PARL: variants seen among roughly 807,000 people sequenced by gnomAD.
PARL encodes the protein presenilin-associated rhomboid-like protein, mitochondrial.
Under a neutral mutation model 51.6 loss-of-function variants are expected in PARL, and 44 were observed. The ratio of observed to expected loss-of-function variants is 0.85; its 90% CI spans 0.67 to 1.10. PARL has a LOEUF of 1.10. PARL is among the 50% of genes least tolerant of loss of function. The pLI, the probability that PARL is intolerant of heterozygous loss-of-function variation, is 0.00. For synonymous variants in PARL, 172 were observed against 164.0 expected (o/e 1.05, Z -0.37); for missense variants, 441 against 469.5 (o/e 0.94, Z 0.56).
chr3:183,836,306 A>T (rs1264221859), intron 7 of PARL, among the ~76,000 whole-genome samples: 1 of 151,888 alleles, frequency 6.6e-6, no homozygotes, highest in African/African-American at 2.4e-5. Flanking sequence ...TCTGTTAAAA[A>T]AAATTGTCGT....
At chr3:183,861,200 T>C (rs1259005924) in intron 4 of PARL, 1 of 854,162 alleles carries the variant, frequency 1.2e-6, no homozygotes, top group Non-Finnish European at 1.4e-6. Flanking sequence ...ATCTTTGAAG[T>C]AATCATTTTA....
intron 4 of PARL, among the ~76,000 whole-genome samples, chr3:183,855,496 T>C (rs900744766): frequency 6.6e-6 from 1 of 152,164 alleles, no homozygotes; most frequent in Non-Finnish European, 1.5e-5. Flanking sequence ...AGGACCGGTT[T>C]TGTGTTAGAC....
In PARL at chr3:183,862,658, G is replaced by A. The variant is rs1295490531; in HGVS notation, c.511+95C>T. ...AGAGACTGTCTTCTAAACCACTGGT[G>A]AGCATGGTACAAGAGCCATTGCTTG... On this transcript the variant is annotated intron_variant, in intron 4 of 9. Transcript: ENST00000317096. 3.3e-6 allele frequency: 3 copies of A among 912,994 alleles called. No homozygotes were observed. In the South Asian group the frequency reaches 4.0e-5, roughly 12 times the overall value. The allele number at this position is 912,994 out of a possible 1,614,324, so 56.6% of individuals were successfully genotyped here.
intron 1 of PARL, among the ~76,000 whole-genome samples, chr3:183,880,910 G>T (rs1403863075): frequency 6.6e-6 from 1 of 151,942 alleles, no homozygotes; most frequent in Non-Finnish European, 1.5e-5. Context: ...TCACCTTCCG[G>T]CCTCAAGCAA....
intron 1 of PARL, among the ~76,000 whole-genome samples, chr3:183,881,355 C>G (rs1195832290): frequency 6.6e-6 from 1 of 152,142 alleles, no homozygotes; most frequent in East Asian, 1.9e-4. Context: ...CTCCTGACCT[C>G]AGGTGATCCA....
chr3:183,849,531 T>C (rs1017780541), intron 4 of PARL, among the ~76,000 whole-genome samples: 2 of 152,096 alleles, frequency 1.3e-5, no homozygotes, highest in Admixed American at 6.5e-5. Context: ...AGTGGTGCTA[T>C]GAATGCCCAC....
intron 1 of PARL, chr3:183,883,759 C>CG (rs1734815133): frequency 1.1e-6 from 1 of 925,460 alleles, no homozygotes; most frequent in East Asian, 1.2e-4. Context: ...GAATGCTTGT[C>CG]GGACATATAG....
At chr3:183,850,335 A>C (rs1168934760) in intron 4 of PARL, among the ~76,000 whole-genome samples, 1 of 152,176 alleles carries the variant, frequency 6.6e-6, no homozygotes, top group South Asian at 2.1e-4. Flanking sequence ...TTACAGGTGC[A>C]TCACTCCAAT....
At chr3:183,855,162 G>T (rs187210518) in intron 4 of PARL, among the ~76,000 whole-genome samples, 4 of 152,228 alleles carry the variant, frequency 2.6e-5, no homozygotes, top group Non-Finnish European at 5.9e-5. Flanking sequence ...AGGAGGGAAT[G>T]GGGGAGTGAC....
chr3:183,846,563 C>G (rs1729978786), intron 4 of PARL: 1 of 984,902 alleles, frequency 1.0e-6, no homozygotes, highest in Admixed American at 6.2e-5. Flanking sequence ...GTTAACACTG[C>G]TAAGTTTTCA....
intron 3 of PARL, among the ~76,000 whole-genome samples, chr3:183,863,719 A>G (rs946528438): frequency 6.6e-6 from 1 of 152,098 alleles, no homozygotes; most frequent in African/African-American, 2.4e-5. Context: ...GATTACAGAT[A>G]TGAGCCGCCC....
intron 3 of PARL, among the ~76,000 whole-genome samples, chr3:183,864,921 TC>T (rs35487804): frequency 0.45 from 61,324 of 137,588 alleles, 13,625 homozygotes; most frequent in Middle Eastern, 0.55. Flanking sequence ...TTTTTTTTTT[TC>T]CGTATTTCAT....
Position 183,882,249 on chromosome 3 carries a change from A to ATATATATT in PARL, c.125+2472_125+2473insAATATATA, listed in dbSNP as rs1734586457. Among the ~76,000 whole-genome samples the ATATATATT allele has an allele frequency of 3.0e-4, 13 of 43,906 alleles. No individual in the cohort carries two copies. In the East Asian group the frequency reaches 3.0e-3, roughly 10 times the overall value. The allele number at this position is 43,906 out of a possible 152,430, so 28.8% of individuals were successfully genotyped here. On this transcript the variant is annotated intron_variant, in intron 1 of 9. Transcript: ENST00000317096. The stretch of plus-strand genomic sequence containing the variant: ...TATATATATATATATATATATTTAT[A>ATATATATT]TATATATATATATATATATTTATAT...
intron 9 of PARL, among the ~76,000 whole-genome samples, chr3:183,832,515 G>A (rs1471976729): frequency 6.6e-6 from 1 of 151,960 alleles, no homozygotes; most frequent in African/African-American, 2.4e-5. Context: ...CACTGCACCT[G>A]GCCAGAATAG....
chr3:183,856,521 C>T (rs896409358), intron 4 of PARL: 1 of 152,270 alleles, frequency 6.6e-6, no homozygotes, highest in African/African-American at 2.4e-5. Flanking sequence ...CAGTATCCAC[C>T]AAACTAATTA....
intron 1 of PARL, among the ~76,000 whole-genome samples, chr3:183,870,829 C>T (rs778407096): frequency 1.3e-5 from 2 of 152,130 alleles, no homozygotes. Context: ...CTGTTTTGCT[C>T]TCTTAACTAC....
At chr3:183,871,489 ATT>A (rs1298963238) in intron 1 of PARL, among the ~76,000 whole-genome samples, 1 of 126,490 alleles carries the variant, frequency 7.9e-6, no homozygotes, top group African/African-American at 3.0e-5. Context: ...TCTGTGGTAT[ATT>A]CATATAATGG....
At chr3:183,842,992 C>T (rs1184439375) in intron 5 of PARL, among the ~76,000 whole-genome samples, 1 of 150,556 alleles carries the variant, frequency 6.6e-6, no homozygotes, top group Non-Finnish European at 1.5e-5. Context: ...TCAAGTGATC[C>T]TCCCACCTCA....
At chr3:183,867,190 C>G (rs957174232) in intron 2 of PARL, among the ~76,000 whole-genome samples, 15 of 152,218 alleles carry the variant, frequency 9.9e-5, no homozygotes, top group African/African-American at 3.6e-4. Context: ...GGATTACAGG[C>G]ATGAGCCACT....
Sources: allele counts gnomAD v4.1 joint callset (sites outside exome capture counted in the v4.1 genomes callset), GRCh38; gene constraint gnomAD v4.1.1; transcripts MANE v1.5; gene names NCBI Gene and HGNC (gene_info 2026-07-23, HGNC 2026-07-21).